GALNT18: variants seen among roughly 807,000 people sequenced by gnomAD.
The protein encoded by GALNT18 is GalNAc-transferase 18.
A neutral mutation model predicts 69.5 loss-of-function variants in GALNT18; 44 were observed. The observed-to-expected ratio is 0.63, with a 90% CI of 0.50 to 0.81. The LOEUF (loss-of-function observed/expected upper bound fraction) is 0.81. Ranked by LOEUF, GALNT18 falls within the 40% of genes least tolerant of loss-of-function variation. The probability of loss-of-function intolerance (pLI) is 0.00; values close to 1 mark genes in which losing one functional copy is unlikely to be tolerated. For missense variants in GALNT18, 715 were observed against 810.0 expected (o/e 0.88, Z 1.42); for synonymous variants, 364 against 318.2 (o/e 1.14, Z -1.53).
In GALNT18 at chr11:11,402,047, T is replaced by C. The variant is rs1202526245; in HGVS notation, c.596-22783A>G. ...TCCTTCTAGTTAGAGGAATAGTATG[T>C]ACCAAAGCAAGAAGAGATGAAGTAG... On this transcript the variant is annotated intron_variant, in intron 3 of 10. Transcript: ENST00000227756. This position sits in a 1 kb window ranked among gnomAD's most constrained non-coding sequence, Gnocchi z 4.0. Among the ~76,000 whole-genome samples the C allele has an allele frequency of 1.3e-5, 2 of 152,226 alleles. No homozygotes were observed. Among genetic ancestry groups the C allele is most frequent in the African/African-American group, 4.8e-5 (2 of 41,458 alleles).
chr11:11,363,318 A>T (rs1206554506), intron 6 of GALNT18, among the ~76,000 whole-genome samples: 1 of 152,194 alleles, frequency 6.6e-6, no homozygotes, highest in Non-Finnish European at 1.5e-5. Context: ...GAAACAACTG[A>T]TCATACTTCT....
At chr11:11,292,868 C>T (rs530957379) in intron 10 of GALNT18, among the ~76,000 whole-genome samples, 161 bp downstream of exon 10, 87 of 152,308 alleles carry the variant, frequency 5.7e-4, no homozygotes, top group African/African-American at 2.0e-3. Flanking sequence ...ATTTGATCAG[C>T]AAATCCCTGA....
At chr11:11,330,005 T>A (rs1849990671) in intron 8 of GALNT18, among the ~76,000 whole-genome samples, 2 of 152,202 alleles carry the variant, frequency 1.3e-5, no homozygotes, top group African/African-American at 4.8e-5. Context: ...CAGGCATGTC[T>A]GTTTCCAGAT....
rs1160398331 is a variant in GALNT18 at position 11,459,387 on chromosome 11, T to C, written c.236-10451A>G. ...CCATTAAAATCCTCTGTGCGAGGAC[T>C]TTATTCAGCATGGCAAAGGAAATCT... On this transcript the variant is annotated intron_variant, in intron 1 of 10. Coordinates refer to ENST00000227756, the MANE Select transcript of GALNT18 (RefSeq NM_198516.3). This position sits in a 1 kb window ranked among gnomAD's most constrained non-coding sequence, Gnocchi z 5.0. 6.6e-6 allele frequency among the ~76,000 whole-genome samples: 1 copy of C among 152,164 alleles called. No individual in the cohort carries two copies.
Position 11,271,112 on chromosome 11 carries a change from G to A in GALNT18, c.*32C>T. ...ACGTTGCAGCAGGTGCTACACAGTA[G>A]CAAAGAGGCAGCCGGAAGTGGCCCC... On this transcript the variant is annotated 3_prime_UTR_variant, in exon 11 of 11. Coordinates refer to ENST00000227756, the MANE Select transcript of GALNT18 (RefSeq NM_198516.3). 1.9e-6 allele frequency: 3 copies of A among 1,599,356 alleles called. No homozygotes were observed. The highest frequency in any genetic ancestry group is 2.6e-6 in the Non-Finnish European group (3 of 1,169,188).
chr11:11,470,344 C>T lies in GALNT18; in HGVS notation c.236-21408G>A, dbSNP rs1186025211. ...CTGTGCAGGCATGGAGGAAATTGTA[C>T]GGTCATGCCCTACATTCATATCTTG... On this transcript the variant is annotated intron_variant, in intron 1 of 10. Transcript: ENST00000227756. This position sits in a 1 kb window ranked among gnomAD's most constrained non-coding sequence, Gnocchi z 4.8. Among the ~76,000 whole-genome samples the T allele has an allele frequency of 3.9e-5, 6 of 152,188 alleles. No individual in the cohort carries two copies. The highest frequency in any genetic ancestry group is 1.9e-4 in the East Asian group (1 of 5,194).
chr11:11,513,994 G>A (rs1857214919), intron 1 of GALNT18, among the ~76,000 whole-genome samples: 2 of 152,186 alleles, frequency 1.3e-5, no homozygotes, highest in Admixed American at 1.3e-4. Flanking sequence ...TTCCCCCCAA[G>A]GGCCAGGAGA....
In GALNT18 at chr11:11,435,840, G is replaced by T. The variant is rs565141815; in HGVS notation, c.429-3053C>A. On this transcript the variant is annotated intron_variant, in intron 2 of 10. Transcript: ENST00000227756. The surrounding 1 kb of genome is among the most constrained non-coding windows in gnomAD (Gnocchi z 4.4). ...GTTCTCCCATCCTCCCTCCTCTTGC[G>T]TGAATGGCCCCAATTCCTCACATTC... is the stretch of plus-strand genomic sequence containing the variant. Among the ~76,000 whole-genome samples, 1 of 152,092 alleles carries T rather than the reference G, an allele frequency of 6.6e-6. No homozygotes were observed. Among genetic ancestry groups the T allele is most frequent in the Non-Finnish European group, 1.5e-5 (1 of 68,026 alleles).
intron 9 of GALNT18, among the ~76,000 whole-genome samples, chr11:11,302,150 G>A (rs145813794): frequency 1.3e-5 from 2 of 152,290 alleles, no homozygotes; most frequent in African/African-American, 4.8e-5. Flanking sequence ...GCACCCCGCT[G>A]GTCCCCAGGG....
chr11:11,455,763 A>T lies in GALNT18; in HGVS notation c.236-6827T>A, dbSNP rs570245976. ...CTGAACCTACAAGCAAGTATCCCAAAGCTCAGCATGGTAAGCATCACAAAA... is the reference window on the plus strand; with the variant it reads ...CTGAACCTACAAGCAAGTATCCCAATGCTCAGCATGGTAAGCATCACAAAA... On this transcript the variant is annotated intron_variant, in intron 1 of 10. Transcript: ENST00000227756. 2.0e-5 allele frequency among the ~76,000 whole-genome samples: 3 copies of T among 152,302 alleles called. No homozygotes were observed. The South Asian group carries it at 6.2e-4, about 32-fold the overall frequency.
rs1399241820 is a variant in GALNT18, at chr11:11,584,456, G to C, written c.235+36903C>G. On this transcript the variant is annotated intron_variant, in intron 1 of 10. Transcript: ENST00000227756. The surrounding 1 kb of genome is among the most constrained non-coding windows in gnomAD (Gnocchi z 4.1). ...AAGAGAAATGGGTTCCTATTCTCCA[G>C]TGCATTTCAACTGGCCATATTCTCA... Among the ~76,000 whole-genome samples, 1 of 152,178 alleles carries C rather than the reference G, an allele frequency of 6.6e-6. No individual in the cohort carries two copies. Among genetic ancestry groups the C allele is most frequent in the Non-Finnish European group, 1.5e-5 (1 of 68,036 alleles).
In GALNT18 at chr11:11,354,179, A is replaced by AT. The variant is rs148312217; in HGVS notation, c.1093-13176dup. The stretch of plus-strand genomic sequence containing the variant: ...CAGCATGGGCATCATCACTGGTGTC[A>AT]TCTCTGAAAGTCACCGATAGCAAAC... On this transcript the variant is annotated intron_variant, in intron 6 of 10. Transcript: ENST00000227756. 1.8e-3 allele frequency among the ~76,000 whole-genome samples: 272 copies of AT among 152,356 alleles called. 1 individual carries two copies. Among genetic ancestry groups the AT allele is most frequent in the African/African-American group, 6.3e-3 (261 of 41,588 alleles).
rs776637270 is a variant in GALNT18, at chr11:11,372,483, G to T, written c.1092+32C>A. 5.8e-6 allele frequency: 9 copies of T among 1,558,726 alleles called. No homozygotes were observed. The highest frequency in any genetic ancestry group is 8.0e-6 in the Non-Finnish European group (9 of 1,129,568). On this transcript the variant is annotated intron_variant, in intron 6 of 10. Coordinates refer to ENST00000227756, the MANE Select transcript of GALNT18 (RefSeq NM_198516.3). This position sits in a 1 kb window ranked among gnomAD's most constrained non-coding sequence, Gnocchi z 4.9. ...ACTCATTCACCCTGGTGGGAGCTGA[G>T]CCGAGCAGTTTGAGTGAGAAACCCC...
chr11:11,473,520 G>A (rs555430219), intron 1 of GALNT18, among the ~76,000 whole-genome samples: 4 of 151,780 alleles, frequency 2.6e-5, no homozygotes, highest in South Asian at 4.2e-4. Flanking sequence ...CAGAAGGCTC[G>A]TTTTGGGCCT....
chr11:11,288,218 A>G (rs1418578369), intron 10 of GALNT18, among the ~76,000 whole-genome samples: 1 of 152,168 alleles, frequency 6.6e-6, no homozygotes, highest in African/African-American at 2.4e-5. Flanking sequence ...TATCTGCTCT[A>G]CATGACTCTA....
In GALNT18 at chr11:11,341,357, C is replaced by T. The variant is rs1303727483; in HGVS notation, c.1093-353G>A. On this transcript the variant is annotated intron_variant, in intron 6 of 10. Transcript: ENST00000227756. The surrounding 1 kb of genome is among the most constrained non-coding windows in gnomAD (Gnocchi z 6.3). ...CACTTGGGGGAGAAGTTAACAAAAC[C>T]CTTGATGATAGTCTGCAGCAGTGGT... Among the ~76,000 whole-genome samples, 2 of 152,048 alleles carry T rather than the reference C, an allele frequency of 1.3e-5. No individual in the cohort carries two copies. Among genetic ancestry groups the T allele is most frequent in the Admixed American group, 6.5e-5 (1 of 15,270 alleles).
In GALNT18 at chr11:11,440,167, G is replaced by A. The variant is rs531290872; in HGVS notation, c.429-7380C>T. Among the ~76,000 whole-genome samples, 16 of 152,302 alleles carry A rather than the reference G, an allele frequency of 1.1e-4. No homozygotes were observed. In the East Asian group the frequency reaches 3.1e-3, roughly 29 times the overall value. Reference sequence around the variant, plus strand: ...AGGTGAATTTATCAATTTAGAGAAAGGCTCTGCTATGTAAAATGTAGACGG... The same window carrying A: ...AGGTGAATTTATCAATTTAGAGAAAAGCTCTGCTATGTAAAATGTAGACGG... On this transcript the variant is annotated intron_variant, in intron 2 of 10. Transcript: ENST00000227756.
Position 11,429,904 on chromosome 11 carries a change from G to A in GALNT18, c.595+2717C>T, listed in dbSNP as rs184087016. Among the ~76,000 whole-genome samples the A allele has an allele frequency of 3.2e-3, 490 of 152,258 alleles. 2 individuals are homozygous for A. The highest frequency in any genetic ancestry group is 5.8e-3 in the Non-Finnish European group (393 of 68,028). ...CCTGTAATCCCAACAATTTGGGAGG[G>A]CGAGGCAGGAGGATTGCTTGAGTCC... On this transcript the variant is annotated intron_variant, in intron 3 of 10. Transcript: ENST00000227756.
Position 11,592,550 on chromosome 11 carries a change from T to TG in GALNT18, c.235+28808dup, listed in dbSNP as rs944659853. Reference sequence around the variant, plus strand: ...TTACCCCCACACACAGCACACGCCCTGGGTCTGGCACAAGCTCAAAACAAC... The same window carrying TG: ...TTACCCCCACACACAGCACACGCCCTGGGGTCTGGCACAAGCTCAAAACAAC... On this transcript the variant is annotated intron_variant, in intron 1 of 10. Transcript: ENST00000227756. The surrounding 1 kb of genome is among the most constrained non-coding windows in gnomAD (Gnocchi z 5.9). Among the ~76,000 whole-genome samples, 6 of 152,104 alleles carry TG rather than the reference T, an allele frequency of 3.9e-5. No individual in the cohort carries two copies. Among genetic ancestry groups the TG allele is most frequent in the African/African-American group, 1.4e-4 (6 of 41,410 alleles).
Sources: allele counts gnomAD v4.1 joint callset (sites outside exome capture counted in the v4.1 genomes callset), GRCh38; gene constraint gnomAD v4.1.1; non-coding constraint Gnocchi (gnomAD v3.1); transcripts MANE v1.5; gene names NCBI Gene and HGNC (gene_info 2026-07-23, HGNC 2026-07-21).